MYO18A: variants seen among roughly 807,000 people sequenced by gnomAD.
The protein encoded by MYO18A is unconventional myosin-XVIIIa.
Under a neutral mutation model 235.8 loss-of-function variants are expected in MYO18A, and 78 were observed. The ratio of observed to expected loss-of-function variants is 0.33; its 90% CI spans 0.28 to 0.40. MYO18A has a LOEUF of 0.40. Ranked by LOEUF, MYO18A falls within the 10% of genes least tolerant of loss-of-function variation. The pLI is 1.00. For synonymous variants in MYO18A, 977 were observed against 1,077.8 expected, an observed-to-expected ratio of 0.91 and a Z score of 1.83; for missense variants, 2,215 against 2,699.3, an observed-to-expected ratio of 0.82 and a Z score of 3.98.
rs560874939 is a variant in MYO18A, at chr17:29,111,646, C to G, written c.2741-63G>C. 141 of 1,611,734 alleles carry G rather than the reference C, an allele frequency of 8.7e-5. No individual in the cohort carries two copies. The African/African-American group carries it at 1.8e-3, about 20-fold the overall frequency. ...ACAGGCACAAAGTGACCCCCGCCCC[C>G]TCCCAGGGAGTGCCACCTGGACCCA... On this transcript the variant is annotated intron_variant, in intron 16 of 41. Coordinates refer to ENST00000527372, the MANE Select transcript of MYO18A (RefSeq NM_078471.4). The surrounding 1 kb of genome is among the most constrained non-coding windows in gnomAD (Gnocchi z 5.1).
intron 3 of MYO18A, 67 bp downstream of exon 3, chr17:29,122,099 C>G: frequency 6.4e-7 from 1 of 1,551,910 alleles, no homozygotes. Flanking sequence ...ATGCAGAAGG[C>G]ACATTCGCTG....
At chr17:29,147,815 C>T (rs2067879459) in intron 2 of MYO18A, among the ~76,000 whole-genome samples, 1 of 147,476 alleles carries the variant, frequency 6.8e-6, no homozygotes. Context: ...GAGGATCAAT[C>T]ACTTGAGCCC....
chr17:29,080,406 C>G (rs1258873662), intron 41 of MYO18A: 1 of 986,002 alleles, frequency 1.0e-6, no homozygotes, highest in Non-Finnish European at 1.2e-6. Context: ...GGTGGCTGTA[C>G]TGCGAGCAGG....
At chr17:29,085,558 G>C (rs1273065318) in intron 40 of MYO18A, 46 bp downstream of exon 40, 3 of 1,597,316 alleles carry the variant, frequency 1.9e-6, no homozygotes, top group East Asian at 2.2e-5. Flanking sequence ...GGGGTGGTTA[G>C]ACACCCGCGA....
intron 1 of MYO18A, among the ~76,000 whole-genome samples, chr17:29,168,878 A>G (rs980166794): frequency 1.3e-5 from 2 of 152,140 alleles, no homozygotes; most frequent in African/African-American, 4.8e-5. Flanking sequence ...CAGGCAGATC[A>G]CTTGAGGTCA....
chr17:29,113,975 G>T, intron 15 of MYO18A, 36 bp downstream of exon 15: 1 of 1,520,794 alleles, frequency 6.6e-7, no homozygotes, highest in Non-Finnish European at 9.0e-7. Flanking sequence ...GGGAACGAGA[G>T]GAAAGGCTTG....
intron 20 of MYO18A, among the ~76,000 whole-genome samples, chr17:29,105,171 C>CAA (rs58344909): frequency 3.2e-3 from 114 of 35,396 alleles, no homozygotes; most frequent in Middle Eastern, 0.017. Context: ...GACTCTGTCT[C>CAA]AAAAAAAAAA....
At chr17:29,153,204 C>G (rs144687287) in intron 2 of MYO18A, among the ~76,000 whole-genome samples, 10 of 152,164 alleles carry the variant, frequency 6.6e-5, no homozygotes, top group African/African-American at 2.4e-4. Context: ...CTCACTGCAG[C>G]AAACTCCTGG....
intron 41 of MYO18A, chr17:29,076,090 A>AGAG (rs2065968810): frequency 6.4e-6 from 1 of 156,200 alleles, no homozygotes; most frequent in Non-Finnish European, 1.5e-5. Context: ...GGTGGCAGTG[A>AGAG]GAGATGCAGA....
At position 29,180,168 on chromosome 17, in the gene MYO18A, C is replaced by G. The variant is rs1336082323; in HGVS notation, c.-82+145G>C. 1 of 151,830 alleles carries G rather than the reference C, an allele frequency of 6.6e-6. No individual in the cohort carries two copies. The highest frequency in any genetic ancestry group is 1.5e-5 in the Non-Finnish European group (1 of 67,848). 9.4% of individuals were successfully genotyped at this position (151,830 alleles called of 1,614,324 possible). ...AGGGACGGGAGCCGGGAGTCCGGGC[C>G]GCTGCTTCCAGGGGACGGGGGAGGA... On this transcript the variant is annotated intron_variant, in intron 1 of 41. Coordinates refer to ENST00000527372, the MANE Select transcript of MYO18A (RefSeq NM_078471.4). The surrounding 1 kb of genome is among the most constrained non-coding windows in gnomAD (Gnocchi z 6.1).
chr17:29,107,522 C>A, intron 19 of MYO18A: 2 of 244,756 alleles, frequency 8.2e-6, no homozygotes, highest in East Asian at 1.0e-4. Context: ...AGGAAGGCTA[C>A]ATCCCAATCC....
chr17:29,082,359 G>T lies in MYO18A; in HGVS notation c.5977C>A (p.Pro1993Thr), dbSNP rs777388634. 3 of 1,613,844 alleles carry T rather than the reference G, an allele frequency of 1.9e-6. No individual in the cohort carries two copies. Among genetic ancestry groups the T allele is most frequent in the African/African-American group, 1.3e-5 (1 of 74,908 alleles). The change falls in exon 41 of 42, where the codon CCT becomes ACT. Residue 1993 changes from proline to threonine, a missense_variant. Coordinates refer to ENST00000527372, the MANE Select transcript of MYO18A (RefSeq NM_078471.4). ...CCATCATCAGAAGCTGCCTTGGAAG[G>T]TCCCTTGTTTTTTGACAACCAGGAC... ...VKSWLSKNKG[P>T]SKAASDDGSL... is the part of the protein sequence containing the mutation.
At chr17:29,076,953 G>T (rs8069945) in intron 41 of MYO18A, 61,546 of 152,166 alleles carry the variant, frequency 0.4, 13,456 homozygotes, top group East Asian at 0.84. Context: ...CTGAATCAGG[G>T]CCCCTCTGGT....
At chr17:29,075,822 T>C (rs1013429412) in intron 41 of MYO18A, 1 of 152,752 alleles carries the variant, frequency 6.5e-6, no homozygotes, top group Admixed American at 6.5e-5. Context: ...TCAACACCAT[T>C]GGAGAAAACA....
Position 29,072,188 on chromosome 17 carries a change from C to T in MYO18A, c.*2582G>A, listed in dbSNP as rs1045250674. The T allele has an allele frequency of 9.8e-5, 13 of 132,084 alleles. No individual in the cohort carries two copies. The highest frequency in any genetic ancestry group is 3.6e-4 in the African/African-American group (13 of 35,920). The allele number at this position is 132,084 out of a possible 1,614,324, so 8.2% of individuals were successfully genotyped here. On this transcript the variant is annotated 3_prime_UTR_variant, in exon 42 of 42. Transcript: ENST00000527372. ...AAAAGATGAGAGTGACAGAACTGAA[C>T]ATAAGCTAGCAGCCTTTTTTTTTTT...
rs375666538 is a variant in MYO18A at position 29,086,420 on chromosome 17, C to T, written c.5852+18G>A. On this transcript the variant is annotated intron_variant, in intron 39 of 41. Coordinates refer to ENST00000527372, the MANE Select transcript of MYO18A (RefSeq NM_078471.4). ...GGCCTCCGTGCTAGCTGCAGATGCC[C>T]CAGAGGCCACTTCTCACCTGTTGAT... is the stretch of plus-strand genomic sequence containing the variant. 56 of 1,581,840 alleles carry T rather than the reference C, an allele frequency of 3.5e-5. No individual in the cohort carries two copies. In the Admixed American group the frequency reaches 4.9e-4, roughly 14 times the overall value.
At position 29,080,346 on chromosome 17, in the gene MYO18A, G is replaced by A. The variant is rs1229781194; in HGVS notation, c.6020+1970C>T. 5 of 986,126 alleles carry A rather than the reference G, an allele frequency of 5.1e-6. No homozygotes were observed. The East Asian group carries it at 4.5e-4, about 89-fold the overall frequency. 61.1% of individuals were successfully genotyped at this position (986,126 alleles called of 1,614,324 possible). ...AGCTGGGAGGCTCATCCACTGCCGA[G>A]GCAGAGCTGCGTGGCCGGGGTGGCA... On this transcript the variant is annotated intron_variant, in intron 41 of 41. Transcript: ENST00000527372.
intron 37 of MYO18A, among the ~76,000 whole-genome samples, chr17:29,087,442 G>C (rs1301200519): frequency 6.6e-6 from 1 of 151,958 alleles, no homozygotes; most frequent in African/African-American, 2.4e-5. Flanking sequence ...GGGCCTGTCG[G>C]TATTGACACT....
intron 40 of MYO18A, among the ~76,000 whole-genome samples, chr17:29,084,032 T>G (rs2066188209): frequency 6.6e-6 from 1 of 152,208 alleles, no homozygotes; most frequent in African/African-American, 2.4e-5. Flanking sequence ...ATCGAAACAT[T>G]ATTTCTCTGC....
Sources: gnomAD v4.1 joint callset for allele counts (sites outside exome capture counted in the v4.1 genomes callset) on GRCh38, gnomAD v4.1.1 for gene constraint, Gnocchi (gnomAD v3.1) non-coding constraint, MANE v1.5 for transcripts, NCBI Gene and HGNC (gene_info 2026-07-23, HGNC 2026-07-21) for gene names.